Variants in SCN8A observed in about 807,000 individuals in gnomAD.
SCN8A encodes the protein sodium channel protein type 8 subunit alpha.
In SCN8A, 30 loss-of-function variants were observed where a neutral mutation model predicts 184.1. The observed-to-expected ratio is 0.16, with a 90% CI of 0.12 to 0.22. The LOEUF (loss-of-function observed/expected upper bound fraction) is 0.22, where lower values mean the gene tolerates loss of function less well. Among genes scored for constraint, SCN8A ranks in the 10% least tolerant of loss-of-function variants. SCN8A has a pLI of 1.00. For missense variants in SCN8A, 1,057 were observed against 2,498.9 expected (o/e 0.42, Z 12.30); for synonymous variants, 852 against 907.0 (o/e 0.94, Z 1.09).
At chr12:51,651,376 C>G (rs1346752218) in intron 1 of SCN8A, among the ~76,000 whole-genome samples, 1 of 152,122 alleles carries the variant, frequency 6.6e-6, no homozygotes, top group Non-Finnish European at 1.5e-5. Flanking sequence ...GCTAATTTTT[C>G]ATATTTTTAG....
chr12:51,608,931 G>T (rs1939657613), intron 1 of SCN8A, among the ~76,000 whole-genome samples: 1 of 152,090 alleles, frequency 6.6e-6, no homozygotes, highest in African/African-American at 2.4e-5. Flanking sequence ...GATAGTTTGT[G>T]TCATTACTGT....
At chr12:51,757,405 A>G (rs773690930) in intron 14 of SCN8A, among the ~76,000 whole-genome samples, 59 of 152,126 alleles carry the variant, frequency 3.9e-4, no homozygotes, top group Non-Finnish European at 7.4e-4. Flanking sequence ...GCAGAACAGG[A>G]GCTGACAAGC....
chr12:51,705,375 A>G (rs1365322954), intron 9 of SCN8A, 42 bp from the exon 10 acceptor site: 16 of 1,600,570 alleles, frequency 1.0e-5, no homozygotes, highest in Non-Finnish European at 1.4e-5. Flanking sequence ...AGCCCGGTTC[A>G]TTTGGTACAA....
At chr12:51,629,594 A>C (rs558579586) in intron 1 of SCN8A, among the ~76,000 whole-genome samples, 44 of 151,810 alleles carry the variant, frequency 2.9e-4, no homozygotes, top group Admixed American at 5.3e-4. Context: ...AAAAAAAAAA[A>C]AAAAAAAAAA....
At chr12:51,803,916 T>A (rs2138937443) in intron 26 of SCN8A, among the ~76,000 whole-genome samples, 1 of 152,316 alleles carries the variant, frequency 6.6e-6, no homozygotes, top group South Asian at 2.1e-4. Flanking sequence ...AAAGCTAAGA[T>A]TCTTCAAAGG....
intron 2 of SCN8A, among the ~76,000 whole-genome samples, chr12:51,678,381 A>G (rs146584926): frequency 9.5e-4 from 145 of 152,374 alleles, no homozygotes; most frequent in Non-Finnish European, 1.9e-3. Context: ...AACTAACTCA[A>G]GAGAGTTCTA....
intron 12 of SCN8A, chr12:51,722,127 A>C: frequency 3.0e-6 from 2 of 660,678 alleles, no homozygotes; most frequent in East Asian, 2.8e-5. Context: ...CCTATTACTC[A>C]CCCTGTCTTC....
In SCN8A at chr12:51,806,832, G is replaced by A; in HGVS notation, c.5346G>A (p.Glu1782=). ...AGGAAAGTGCAGACCCTCTGAGTGA[G>A]GATGACTTTGAGACCTTCTATGAGA... ...ATEESADPLS[E]DDFETFYEIW... is the part of the protein sequence containing the mutation. The change falls in exon 27 of 27, where the codon GAG becomes GAA. Residue 1782 remains glutamate (E), a synonymous_variant. Transcript: ENST00000627620. This position sits in a 1 kb window ranked among gnomAD's most constrained non-coding sequence, Gnocchi z 8.7. The A allele has an allele frequency of 6.2e-7, 1 of 1,614,222 alleles. No homozygotes were observed. The highest frequency in any genetic ancestry group is 1.1e-5 in the South Asian group (1 of 91,082).
chr12:51,778,222 A>ATGGTGGATTATGGTGG (rs1265993162), intron 20 of SCN8A, among the ~76,000 whole-genome samples: 1 of 152,194 alleles, frequency 6.6e-6, no homozygotes, highest in Non-Finnish European at 1.5e-5. Context: ...CAGAGAAGAT[A>ATGGTGGATTATGGTGG]ACTACACTGG....
In SCN8A at chr12:51,706,614, C is replaced by G; in HGVS notation, c.1534C>G (p.Pro512Ala). Residue 512 changes from proline (P) to alanine (A), a missense_variant, in exon 11 of 27, where the codon CCC (proline) becomes GCC (alanine). By Grantham distance (27) the Pro-to-Ala change is conservative. This residue lies in a region of SCN8A where 322 missense variants were observed against 390.1 expected (regional missense o/e 0.83). Coordinates refer to ENST00000627620, the MANE Select transcript of SCN8A (RefSeq NM_001330260.2). ...CTCTGAAGGAGAGGAGAAAGGGGATCCCGAGAAGGTGTTTAAGTCAGAGTC... is the reference window on the plus strand; with the variant it reads ...CTCTGAAGGAGAGGAGAAAGGGGATGCCGAGAAGGTGTTTAAGTCAGAGTC... ...ELSEGEEKGD[P>A]EKVFKSESED... The G allele has an allele frequency of 6.2e-7, 1 of 1,608,404 alleles. No homozygotes were observed. Among genetic ancestry groups the G allele is most frequent in the Non-Finnish European group, 8.5e-7 (1 of 1,177,228 alleles).
chr12:51,802,117 A>G (rs1345439230), intron 26 of SCN8A, among the ~76,000 whole-genome samples: 1 of 152,150 alleles, frequency 6.6e-6, no homozygotes, highest in East Asian at 1.9e-4. Context: ...CACACTCTGA[A>G]CCTCACTTCT....
intron 11 of SCN8A, among the ~76,000 whole-genome samples, chr12:51,719,828 G>T (rs933692447): frequency 6.6e-6 from 1 of 152,194 alleles, no homozygotes; most frequent in Non-Finnish European, 1.5e-5. Context: ...TGTAATCCCA[G>T]CACTTTGGGA....
At position 51,807,572 on chromosome 12, in the gene SCN8A, T is replaced by C. The variant is rs1938747121; in HGVS notation, c.*143T>C. 3 of 876,538 alleles carry C rather than the reference T, an allele frequency of 3.4e-6. No homozygotes were observed. The highest frequency in any genetic ancestry group is 3.4e-5 in the African/African-American group (2 of 59,616). 54.3% of individuals were successfully genotyped at this position (876,538 alleles called of 1,614,324 possible). A position where few individuals can be genotyped will look rare whatever the true frequency, so the allele number is the denominator to read the frequency against. The stretch of plus-strand genomic sequence containing the variant: ...TACCAAACGTCGTCTGCTTACCACG[T>C]AACACAGCTGCATCTTGAGCAGTGA... On this transcript the variant is annotated 3_prime_UTR_variant, in exon 27 of 27. Transcript: ENST00000627620. The surrounding 1 kb of genome is among the most constrained non-coding windows in gnomAD (Gnocchi z 4.5).
intron 6 of SCN8A, among the ~76,000 whole-genome samples, chr12:51,694,470 T>C (rs1460772348): frequency 6.6e-6 from 1 of 152,246 alleles, no homozygotes; most frequent in Non-Finnish European, 1.5e-5. Context: ...CTGACCGTTC[T>C]CTACATTGAA....
At chr12:51,654,325 C>G (rs1019630713) in intron 1 of SCN8A, among the ~76,000 whole-genome samples, 2 of 152,092 alleles carry the variant, frequency 1.3e-5, no homozygotes, top group Non-Finnish European at 2.9e-5. Flanking sequence ...ATAGTTTTAG[C>G]TCTGACATTT....
At chr12:51,744,702 C>A (rs909243047) in intron 12 of SCN8A, among the ~76,000 whole-genome samples, 2 of 151,606 alleles carry the variant, frequency 1.3e-5, no homozygotes, top group Non-Finnish European at 2.9e-5. Flanking sequence ...GCCTCCACCA[C>A]CTGAGTAGCT....
intron 9 of SCN8A, among the ~76,000 whole-genome samples, chr12:51,703,984 C>T (rs1941736109): frequency 6.6e-6 from 1 of 152,066 alleles, no homozygotes; most frequent in Non-Finnish European, 1.5e-5. Context: ...CTGTTCACTG[C>T]AGCCTCCAAA....
At chr12:51,625,432 T>C (rs1940057633) in intron 1 of SCN8A, among the ~76,000 whole-genome samples, 1 of 152,246 alleles carries the variant, frequency 6.6e-6, no homozygotes, top group Non-Finnish European at 1.5e-5. Flanking sequence ...AAAGACGTTG[T>C]TGCTTCCAGT....
At chr12:51,759,448 C>G (rs1340935524) in intron 14 of SCN8A, among the ~76,000 whole-genome samples, 1 of 152,164 alleles carries the variant, frequency 6.6e-6, no homozygotes, top group Non-Finnish European at 1.5e-5. Flanking sequence ...GATTCACATC[C>G]TGGGAGGATA....
Sources: gnomAD v4.1 joint callset for allele counts (sites outside exome capture counted in the v4.1 genomes callset) on GRCh38, gnomAD v4.1.1 for gene constraint, gnomAD v4.1.1 regional missense constraint, Gnocchi (gnomAD v3.1) non-coding constraint, MANE v1.5 for transcripts, NCBI Gene and HGNC (gene_info 2026-07-23, HGNC 2026-07-21) for gene names.